The following CEACAM21 variants were observed in gnomAD, a reference collection of about 807,000 sequenced individuals.
CEACAM21 encodes the protein CEA cell adhesion molecule 21.
CEACAM21 carries 38 observed loss-of-function variants against 33.2 expected under a neutral mutation model. That is an observed-to-expected ratio of 1.14 (90% CI 0.88 to 1.50). The LOEUF is 1.50. Ranked by LOEUF, CEACAM21 falls within the 40% of genes most tolerant of loss-of-function variation. CEACAM21 has a pLI of 0.00. For missense variants in CEACAM21, 385 were observed against 364.6 expected, an observed-to-expected ratio of 1.06 and a Z score of -0.46; for synonymous variants, 156 against 143.0, an observed-to-expected ratio of 1.09 and a Z score of -0.65.
intron 3 of CEACAM21, among the ~76,000 whole-genome samples, chr19:41,580,468 T>C (rs192879511): frequency 2.5e-4 from 38 of 152,332 alleles, no homozygotes; most frequent in African/African-American, 7.7e-4. Context: ...GTCACAAGTC[T>C]GGGCCTCCAG....
chr19:41,583,964 A>G (rs542107765), intron 3 of CEACAM21, among the ~76,000 whole-genome samples: 1 of 152,298 alleles, frequency 6.6e-6, no homozygotes, highest in South Asian at 2.1e-4. Context: ...GAAAACAGTC[A>G]ATGAACATCA....
intron 1 of CEACAM21, 144 bp from the exon 2 acceptor site, chr19:41,577,056 A>G: frequency 1.2e-6 from 1 of 839,744 alleles, no homozygotes; most frequent in Non-Finnish European, 1.9e-6. Flanking sequence ...AATGAGGGTC[A>G]TGCTGCTGAC....
At chr19:41,584,783 G>A (rs1006442018) in intron 4 of CEACAM21, among the ~76,000 whole-genome samples, 10 of 152,188 alleles carry the variant, frequency 6.6e-5, no homozygotes, top group African/African-American at 2.2e-4. Flanking sequence ...CCCAGTGAGA[G>A]GGCATCTGAG....
chr19:41,578,776 C>T (rs573522926), intron 2 of CEACAM21, among the ~76,000 whole-genome samples: 2 of 152,300 alleles, frequency 1.3e-5, no homozygotes, highest in South Asian at 4.1e-4. Context: ...GACGTGAAAT[C>T]ATGAATTTCT....
chr19:41,562,703 C>G (rs1332410390), intron 1 of CEACAM21, among the ~76,000 whole-genome samples: 2 of 151,700 alleles, frequency 1.3e-5, no homozygotes, highest in East Asian at 3.9e-4. Flanking sequence ...AAAAAAAAAG[C>G]AAGTATTTGA....
intron 3 of CEACAM21, among the ~76,000 whole-genome samples, chr19:41,584,020 C>T (rs782534911): frequency 3.9e-5 from 6 of 151,986 alleles, no homozygotes; most frequent in Non-Finnish European, 5.9e-5. Context: ...CTGCCCTTTA[C>T]GACTGCCATG....
chr19:41,561,237 A>G (rs1172575171), intron 1 of CEACAM21, among the ~76,000 whole-genome samples: 4 of 152,196 alleles, frequency 2.6e-5, no homozygotes, highest in Non-Finnish European at 5.9e-5. Flanking sequence ...TTCTGGACTC[A>G]AGCAATCCAT....
At chr19:41,559,765 G>T (rs185064223) in intron 1 of CEACAM21, among the ~76,000 whole-genome samples, 14 of 152,278 alleles carry the variant, frequency 9.2e-5, no homozygotes, top group Admixed American at 3.3e-4. Context: ...TTAAACATTA[G>T]ATAAAATGGA....
intron 1 of CEACAM21, 36 bp from the exon 2 acceptor site, chr19:41,577,164 G>A (rs1257470312): frequency 6.2e-7 from 1 of 1,612,454 alleles, no homozygotes; most frequent in African/African-American, 1.3e-5. Flanking sequence ...CCAATGCATA[G>A]GTCAAATATT....
At chr19:41,567,548 A>G (rs2042345093) in intron 2 of CEACAM21, among the ~76,000 whole-genome samples, 1 of 152,208 alleles carries the variant, frequency 6.6e-6, no homozygotes, top group Non-Finnish European at 1.5e-5. Flanking sequence ...CCCCCTTTTC[A>G]AGCCCACAAC....
At chr19:41,580,348 G>C (rs934232693) in intron 3 of CEACAM21, among the ~76,000 whole-genome samples, 2 of 152,010 alleles carry the variant, frequency 1.3e-5, no homozygotes, top group East Asian at 1.9e-4. Flanking sequence ...CAGCCAATCA[G>C]TTCTGCACCG....
intron 1 of CEACAM21, among the ~76,000 whole-genome samples, chr19:41,560,795 A>G (rs1280700053): frequency 6.6e-6 from 1 of 152,218 alleles, no homozygotes; most frequent in Non-Finnish European, 1.5e-5. Context: ...TTTATGCTAA[A>G]AACTCAGTAA....
At chr19:41,577,082 C>T in intron 1 of CEACAM21, 118 bp from the exon 2 acceptor site, 4 of 355,708 alleles carry the variant, frequency 1.1e-5, no homozygotes, top group Non-Finnish European at 1.3e-5. Context: ...CCCAGTAGGA[C>T]ACACACACAC....
chr19:41,568,954 C>T (rs782398244), intron 2 of CEACAM21, among the ~76,000 whole-genome samples: 3 of 152,142 alleles, frequency 2.0e-5, no homozygotes, highest in East Asian at 1.9e-4. Context: ...TCTATTTGTG[C>T]GTGTGTCTTT....
intron 2 of CEACAM21, among the ~76,000 whole-genome samples, chr19:41,578,580 G>A (rs1445843446): frequency 2.6e-5 from 4 of 152,214 alleles, no homozygotes; most frequent in African/African-American, 9.7e-5. Context: ...AGGACCAGAT[G>A]TTGGTTCAGC....
At chr19:41,584,295 G>C (rs879957675) in intron 3 of CEACAM21, 52 bp from the exon 4 acceptor site, 14 of 1,506,566 alleles carry the variant, frequency 9.3e-6, no homozygotes, top group Middle Eastern at 1.7e-4. Context: ...GGCCCCTCAT[G>C]GTTCCCCCTG....
chr19:41,557,229 G>A (rs1164819842), intron 1 of CEACAM21, among the ~76,000 whole-genome samples: 1 of 152,184 alleles, frequency 6.6e-6, no homozygotes, highest in Non-Finnish European at 1.5e-5. Context: ...TGTTTCCACA[G>A]CTAAGGATGG....
chr19:41,586,402 G>T, intron 6 of CEACAM21, 62 bp from the exon 7 acceptor site: 1 of 615,684 alleles, frequency 1.6e-6, no homozygotes. Flanking sequence ...GGCCCAGAGA[G>T]AGATGCCAGA....
chr19:41,552,602 G>A (rs574940709), intron 1 of CEACAM21, among the ~76,000 whole-genome samples: 2 of 152,096 alleles, frequency 1.3e-5, no homozygotes, highest in African/African-American at 2.4e-5. Context: ...GTCAATTTGC[G>A]CATGATTTCT....
Sources: gnomAD v4.1 joint callset for allele counts (sites outside exome capture counted in the v4.1 genomes callset) on GRCh38, gnomAD v4.1.1 for gene constraint, MANE v1.5 for transcripts, NCBI Gene and HGNC (gene_info 2026-07-23, HGNC 2026-07-21) for gene names.